PWWP2A: variants seen among roughly 807,000 people sequenced by gnomAD.
The protein encoded by PWWP2A is PWWP domain containing 2A.
A neutral mutation model predicts 48.5 loss-of-function variants in PWWP2A; 18 were observed. The ratio of observed to expected loss-of-function variants is 0.37; its 90% CI spans 0.26 to 0.55. The LOEUF (loss-of-function observed/expected upper bound fraction) is 0.55, where lower values mean the gene tolerates loss of function less well. PWWP2A is among the 20% of genes least tolerant of loss of function. The pLI is 0.81. For synonymous variants in PWWP2A, 396 were observed against 387.7 expected, an observed-to-expected ratio of 1.02 and a Z score of -0.25; for missense variants, 867 against 976.4, an observed-to-expected ratio of 0.89 and a Z score of 1.49.
At chr5:160,074,020 G>C (rs1256282206), downstream of PWWP2A, among the ~76,000 whole-genome samples, 1 of 150,442 alleles carries the variant, frequency 6.6e-6, no homozygotes, top group Non-Finnish European at 1.5e-5. Flanking sequence ...AGCCGAGATC[G>C]TGCCACTGCA....
intron 1 of PWWP2A, among the ~76,000 whole-genome samples, chr5:160,111,398 C>G (rs1581270215): frequency 6.6e-6 from 1 of 152,016 alleles, no homozygotes; most frequent in South Asian, 2.1e-4. Context: ...GAACTCCTGA[C>G]GTCAGGTGAT....
intron 2 of PWWP2A, chr5:160,080,899 A>G (rs1581160022): frequency 3.6e-6 from 3 of 823,076 alleles, no homozygotes; most frequent in Non-Finnish European, 5.5e-6. Context: ...TTTATTCTGG[A>G]TAACTTGCTC....
At chr5:160,050,760 C>T in the PWWP2A span, among the ~76,000 whole-genome samples, 12 of 151,604 alleles carry the variant, frequency 7.9e-5, no homozygotes, top group East Asian at 1.7e-3. Context: ...TGAGTAGCTG[C>T]GACTACAGAC....
chr5:160,047,186 G>T, the PWWP2A span, among the ~76,000 whole-genome samples: 4 of 152,180 alleles, frequency 2.6e-5, no homozygotes, highest in African/African-American at 7.2e-5. Flanking sequence ...CTAGTGTCCT[G>T]TATCCCACTG....
intron 2 of PWWP2A, among the ~76,000 whole-genome samples, chr5:160,070,878 G>A (rs994708269): frequency 6.6e-6 from 1 of 152,198 alleles, no homozygotes; most frequent in Admixed American, 6.5e-5. Context: ...GTAACTGAAA[G>A]TAGGGGAGTG....
intron 1 of PWWP2A, among the ~76,000 whole-genome samples, chr5:160,100,063 G>C (rs1181713234): frequency 6.6e-6 from 1 of 152,034 alleles, no homozygotes; most frequent in Non-Finnish European, 1.5e-5. Context: ...CACTTTGGGA[G>C]GCCAAGGCAG....
At chr5:160,111,466 C>T (rs1013512449) in intron 1 of PWWP2A, among the ~76,000 whole-genome samples, 1 of 151,682 alleles carries the variant, frequency 6.6e-6, no homozygotes, top group African/African-American at 2.4e-5. Context: ...CCGCGCCTGG[C>T]ACTTTTTTTT....
At position 160,104,337 on chromosome 5, in the gene PWWP2A, G is replaced by A. The variant is rs373288675; in HGVS notation, c.585-10272C>T. ...TCCCAGCTACTTGGGAGGCTGAGGT[G>A]AAAGGATCGCTTGAGCCCAGAAGGT... On this transcript the variant is annotated intron_variant, in intron 1 of 1. Coordinates refer to ENST00000307063, the MANE Select transcript of PWWP2A (RefSeq NM_001130864.2). Among the ~76,000 whole-genome samples, 5 of 151,348 alleles carry A rather than the reference G, an allele frequency of 3.3e-5. No individual in the cohort carries two copies. In the East Asian group the frequency reaches 9.8e-4, roughly 30 times the overall value.
chr5:160,091,785 T>TAG lies in PWWP2A; in HGVS notation c.*596_*597insCT. On this transcript the variant is annotated 3_prime_UTR_variant, in exon 2 of 2. Transcript: ENST00000307063. ...AGTCTGTAACTGAATTGCAACCATC[T>TAG]GTTTGTCAAACACCTAACCATCTAA... 1 of 985,278 alleles carries TAG rather than the reference T, an allele frequency of 1.0e-6. No homozygotes were observed. Among genetic ancestry groups the TAG allele is most frequent in the Non-Finnish European group, 1.2e-6 (1 of 829,896 alleles). The allele number at this position is 985,278 out of a possible 1,614,324, so 61.0% of individuals were successfully genotyped here.
chr5:160,108,895 T>C (rs1311838631), intron 1 of PWWP2A, among the ~76,000 whole-genome samples: 1 of 152,158 alleles, frequency 6.6e-6, no homozygotes, highest in East Asian at 1.9e-4. Flanking sequence ...CCAAGGCTGG[T>C]TCAAACCTCA....
chr5:160,082,395 G>A (rs896983455), intron 2 of PWWP2A, among the ~76,000 whole-genome samples: 3 of 149,982 alleles, frequency 2.0e-5, no homozygotes, highest in African/African-American at 4.9e-5. Context: ...AGTGAGCCGA[G>A]ATCGCGCCAC....
chr5:160,117,126 T>C (rs1307641582), intron 1 of PWWP2A, among the ~76,000 whole-genome samples: 1 of 151,504 alleles, frequency 6.6e-6, no homozygotes, highest in African/African-American at 2.4e-5. Flanking sequence ...AATACATCAA[T>C]AGAAAGCACA....
the PWWP2A span, chr5:160,050,978 T>G: frequency 4.1e-5 from 12 of 292,286 alleles, no homozygotes; most frequent in African/African-American, 5.5e-4. Flanking sequence ...ATACTTGGGG[T>G]TTTTTTTTTT....
chr5:160,098,295 G>A (rs1489343933), intron 1 of PWWP2A, among the ~76,000 whole-genome samples: 3 of 152,126 alleles, frequency 2.0e-5, no homozygotes, highest in Non-Finnish European at 4.4e-5. Context: ...CAATAAGGGG[G>A]AAAAAGGGGA....
downstream of PWWP2A, chr5:160,089,396 G>A: frequency 2.5e-6 from 1 of 392,362 alleles, no homozygotes; most frequent in South Asian, 2.4e-5. Context: ...AGAGATGGCA[G>A]CGGGGACGGG....
At chr5:160,109,757 GAAAAAAAA>G (rs755988668) in intron 1 of PWWP2A, among the ~76,000 whole-genome samples, 608 of 53,310 alleles carry the variant, frequency 0.011, 6 homozygotes, top group East Asian at 0.025. Context: ...ATGCAACTGG[GAAAAAAAA>G]AAAAAAAAAA....
rs776370790 is a variant in PWWP2A, at chr5:160,078,295, C to T, written c.1670-127G>A. ...TCACACCTGATTTTTTCTTTTAAAT[C>T]GGTTAAACCTGACCGATGTTGTTTT... On this transcript the variant is annotated intron_variant, in intron 3 of 3. Coordinates refer to the PWWP2A transcript ENST00000456329. The surrounding 1 kb of genome is among the most constrained non-coding windows in gnomAD (Gnocchi z 4.2). The T allele has an allele frequency of 3.6e-4, 261 of 726,564 alleles. No homozygotes were observed. Among genetic ancestry groups the T allele is most frequent in the Non-Finnish European group, 5.6e-4 (238 of 424,616 alleles). The allele number at this position is 726,564 out of a possible 1,614,324, so 45.0% of individuals were successfully genotyped here.
At chr5:160,108,255 C>T (rs1684267295) in intron 1 of PWWP2A, among the ~76,000 whole-genome samples, 1 of 151,996 alleles carries the variant, frequency 6.6e-6, no homozygotes, top group Non-Finnish European at 1.5e-5. Flanking sequence ...CTAATAATCA[C>T]TTCTGAAAAA....
chr5:160,047,869 A>G, the PWWP2A span, among the ~76,000 whole-genome samples: 1 of 152,042 alleles, frequency 6.6e-6, no homozygotes, highest in Non-Finnish European at 1.5e-5. Flanking sequence ...CTTCACTTGT[A>G]TTTCCATGAC....
Sources: gnomAD v4.1 joint callset for allele counts (sites outside exome capture counted in the v4.1 genomes callset) on GRCh38, gnomAD v4.1.1 for gene constraint, Gnocchi (gnomAD v3.1) non-coding constraint, MANE v1.5 for transcripts, NCBI Gene and HGNC (gene_info 2026-07-23, HGNC 2026-07-21) for gene names.